The following ALG10B variants were observed in gnomAD, a reference collection of about 807,000 sequenced individuals.
The protein encoded by ALG10B is ALG10 alpha-1,2-glucosyltransferase B.
ALG10B carries 27 observed loss-of-function variants against 38.7 expected under a neutral mutation model. The observed-to-expected ratio is 0.70, with a 90% CI of 0.51 to 0.96. The LOEUF is 0.96. Ranked by LOEUF, ALG10B falls within the 40% of genes least tolerant of loss-of-function variation. The probability of loss-of-function intolerance (pLI) is 0.00; values close to 1 mark genes in which losing one functional copy is unlikely to be tolerated. For missense variants in ALG10B, 522 were observed against 542.7 expected (o/e 0.96, Z 0.38); for synonymous variants, 177 against 193.3 (o/e 0.92, Z 0.70).
At position 38,316,844 on chromosome 12, in the gene ALG10B, C is replaced by G. The variant is rs1471307679; in HGVS notation, c.-50C>G. 1 of 1,613,730 alleles carries G rather than the reference C, an allele frequency of 6.2e-7. No individual in the cohort carries two copies. Among genetic ancestry groups the G allele is most frequent in the South Asian group, 1.1e-5 (1 of 91,058 alleles). On this transcript the variant is annotated 5_prime_UTR_variant, in exon 1 of 3. Coordinates refer to ENST00000308742, the MANE Select transcript of ALG10B (RefSeq NM_001013620.4). ...CAAGTTTCCAGCTCGGGTTTCCGGGCTCAGAATTTTCCAGGAGTGGGTTCT... is the reference window on the plus strand; with the variant it reads ...CAAGTTTCCAGCTCGGGTTTCCGGGGTCAGAATTTTCCAGGAGTGGGTTCT...
rs1375408459 is a variant in ALG10B, at chr12:38,325,264, A to T, written c.*4051A>T. The T allele has an allele frequency of 1.3e-5, 2 of 152,208 alleles. No individual in the cohort carries two copies. The highest frequency in any genetic ancestry group is 2.9e-5 in the Non-Finnish European group (2 of 68,010). The allele number at this position is 152,208 out of a possible 1,614,324, so 9.4% of individuals were successfully genotyped here. ...GCCTTTTCTTTGTCTTCTTAGAGTTATTTCTGAAATGTGCATAGCCAGTCA... is the reference window on the plus strand; with the variant it reads ...GCCTTTTCTTTGTCTTCTTAGAGTTTTTTCTGAAATGTGCATAGCCAGTCA... On this transcript the variant is annotated 3_prime_UTR_variant, in exon 3 of 3. Transcript: ENST00000308742.
chr12:38,318,489 A>G (rs1945676063), intron 2 of ALG10B, 31 bp downstream of exon 2: 1 of 1,587,034 alleles, frequency 6.3e-7, no homozygotes. Context: ...TTACAAGTTT[A>G]TGTGTAGTCA....
chr12:38,325,760 T>TAC lies in ALG10B; in HGVS notation c.*4547_*4548insAC, dbSNP rs1945738792. On this transcript the variant is annotated 3_prime_UTR_variant, in exon 3 of 3. Coordinates refer to ENST00000308742, the MANE Select transcript of ALG10B (RefSeq NM_001013620.4). ...CAAGTGGTTTAGTCTTTAGTCCTCATTTCAAATGAGAATAGTATTTGTCCT... is the reference window on the plus strand; with the variant it reads ...CAAGTGGTTTAGTCTTTAGTCCTCATACTTCAAATGAGAATAGTATTTGTCCT... 3.9e-5 allele frequency: 6 copies of TAC among 152,232 alleles called. No homozygotes were observed. Among genetic ancestry groups the TAC allele is most frequent in the Non-Finnish European group, 8.8e-5 (6 of 68,026 alleles). 9.4% of individuals were successfully genotyped at this position (152,232 alleles called of 1,614,324 possible).
Position 38,316,910 on chromosome 12 carries a change from G to A in ALG10B, c.17G>A (p.Gly6Asp), listed in dbSNP as rs1207964518. Residue 6 changes from glycine (G) to aspartate (D), a missense_variant, in exon 1 of 3, where the codon GGT (glycine) becomes GAT (aspartate). Gly to Asp is a moderately conservative substitution (Grantham distance 94). Coordinates refer to ENST00000308742, the MANE Select transcript of ALG10B (RefSeq NM_001013620.4). Reference protein sequence around the residue: MAQLEGYCFSAALSCT... With the variant: MAQLEDYCFSAALSCT... Reference sequence around the variant, plus strand: ...GGAGCAGGAATGGCGCAGCTAGAGGGTTACTGTTTCTCGGCCGCCTTGAGC... The same window carrying A: ...GGAGCAGGAATGGCGCAGCTAGAGGATTACTGTTTCTCGGCCGCCTTGAGC... The A allele has an allele frequency of 6.2e-7, 1 of 1,614,170 alleles. No homozygotes were observed. The highest frequency in any genetic ancestry group is 8.5e-7 in the Non-Finnish European group (1 of 1,180,050).
Position 38,325,026 on chromosome 12 carries a change from A to G in ALG10B, c.*3813A>G, listed in dbSNP as rs1304427468. On this transcript the variant is annotated 3_prime_UTR_variant, in exon 3 of 3. Transcript: ENST00000308742. ...TAATACATCATTTTGAACTGATTCTATCTTCTGTGAAATTCTAGAGATATG... is the reference window on the plus strand; with the variant it reads ...TAATACATCATTTTGAACTGATTCTGTCTTCTGTGAAATTCTAGAGATATG... 6.6e-6 allele frequency: 1 copy of G among 152,174 alleles called. No individual in the cohort carries two copies. The highest frequency in any genetic ancestry group is 1.5e-5 in the Non-Finnish European group (1 of 68,004). The allele number at this position is 152,174 out of a possible 1,614,324, so 9.4% of individuals were successfully genotyped here.
Position 38,325,084 on chromosome 12 carries a change from A to G in ALG10B, c.*3871A>G, listed in dbSNP as rs1945732865. The G allele has an allele frequency of 6.6e-6, 1 of 152,188 alleles. No individual in the cohort carries two copies. The highest frequency in any genetic ancestry group is 2.4e-5 in the African/African-American group (1 of 41,462). 9.4% of individuals were successfully genotyped at this position (152,188 alleles called of 1,614,324 possible). A position where few individuals can be genotyped will look rare whatever the true frequency, so the allele number is the denominator to read the frequency against. ...TAGGTAGCATGAGTAAGATTCAGGT[A>G]TGCTGTGAATTTTGTTAACGTTTAT... On this transcript the variant is annotated 3_prime_UTR_variant, in exon 3 of 3. Transcript: ENST00000308742.
chr12:38,317,276 G>A (rs753849421), intron 1 of ALG10B: 2 of 737,294 alleles, frequency 2.7e-6, no homozygotes, highest in Non-Finnish European at 4.3e-6. Context: ...TGATCCCCAG[G>A]GAGGAGTGAT....
In ALG10B at chr12:38,327,699, C is replaced by G; in HGVS notation, c.*6486C>G. ...AGTATATGGAGAGAGAGGTGAAAAT[C>G]CATGTTTGCTCTCTGCAGTTTCCAA... On this transcript the variant is annotated 3_prime_UTR_variant, in exon 3 of 3. Coordinates refer to ENST00000308742, the MANE Select transcript of ALG10B (RefSeq NM_001013620.4). 6.6e-6 allele frequency: 1 copy of G among 151,990 alleles called. No individual in the cohort carries two copies. Among genetic ancestry groups the G allele is most frequent in the Non-Finnish European group, 1.5e-5 (1 of 68,012 alleles). 9.4% of individuals were successfully genotyped at this position (151,990 alleles called of 1,614,324 possible). A position where few individuals can be genotyped will look rare whatever the true frequency, so the allele number is the denominator to read the frequency against.
Position 38,317,038 on chromosome 12 carries a change from T to C in ALG10B, c.145T>C (p.Cys49Arg). ...IFHLPQAQRY[C>R]EGHFSLSQWD... Reference sequence around the variant, plus strand: ...CCACCTGCCTCAGGCGCAGCGCTACTGTGAGGGCCATTTCTCCCTTTCCCA... The same window carrying C: ...CCACCTGCCTCAGGCGCAGCGCTACCGTGAGGGCCATTTCTCCCTTTCCCA... Residue 49 changes from cysteine (C) to arginine (R), a missense_variant, in exon 1 of 3, where the codon TGT becomes CGT. Transcript: ENST00000308742. 2 of 1,614,198 alleles carry C rather than the reference T, an allele frequency of 1.2e-6. No individual in the cohort carries two copies. Among genetic ancestry groups the C allele is most frequent in the Non-Finnish European group, 1.7e-6 (2 of 1,180,030 alleles).
At chr12:38,316,710 C>T, upstream of ALG10B, 2 of 963,168 alleles carry the variant, frequency 2.1e-6, no homozygotes, top group South Asian at 2.8e-5. Flanking sequence ...CCCGTCACTC[C>T]AGGAAACAGC....
At position 38,317,295 on chromosome 12, in the gene ALG10B, A is replaced by C. The variant is rs536820333; in HGVS notation, c.171+231A>C. 4 of 676,786 alleles carry C rather than the reference A, an allele frequency of 5.9e-6. No individual in the cohort carries two copies. The Admixed American group carries it at 9.0e-5, about 15-fold the overall frequency. The allele number at this position is 676,786 out of a possible 1,614,324, so 41.9% of individuals were successfully genotyped here. Reference sequence around the variant, plus strand: ...CCCCAGGGAGGAGTGATCTGGGAGAATACTTAGTGGGGAACTGAGCGCTCC... The same window carrying C: ...CCCCAGGGAGGAGTGATCTGGGAGACTACTTAGTGGGGAACTGAGCGCTCC... On this transcript the variant is annotated intron_variant, in intron 1 of 2. Transcript: ENST00000308742.
At chr12:38,317,242 A>G (rs1366474942) in intron 1 of ALG10B, 178 bp downstream of exon 1, 1 of 859,692 alleles carries the variant, frequency 1.2e-6, no homozygotes, top group Admixed American at 2.9e-5. Context: ...AATATTTATT[A>G]AATGAATGAA....
chr12:38,318,511 A>G (rs1945676302), intron 2 of ALG10B, 53 bp downstream of exon 2: 3 of 1,495,296 alleles, frequency 2.0e-6, no homozygotes, highest in East Asian at 4.5e-5. Flanking sequence ...GTCCACAATT[A>G]CAATGAATTA....
In ALG10B at chr12:38,322,846, G is replaced by C. The variant is rs1945714592; in HGVS notation, c.*1633G>C. On this transcript the variant is annotated 3_prime_UTR_variant, in exon 3 of 3. Transcript: ENST00000308742. ...TAATTGTTTTAGATTACACAAATAA[G>C]TGAGATCATGTGGTATTTGTCTTTC... The C allele has an allele frequency of 6.6e-6, 1 of 152,144 alleles. No individual in the cohort carries two copies. Among genetic ancestry groups the C allele is most frequent in the African/African-American group, 2.4e-5 (1 of 41,424 alleles). The allele number at this position is 152,144 out of a possible 1,614,324, so 9.4% of individuals were successfully genotyped here.
Position 38,322,740 on chromosome 12 carries a change from T to C in ALG10B, c.*1527T>C, listed in dbSNP as rs1945713921. 2 of 152,308 alleles carry C rather than the reference T, an allele frequency of 1.3e-5. No individual in the cohort carries two copies. Among genetic ancestry groups the C allele is most frequent in the Non-Finnish European group, 2.9e-5 (2 of 68,020 alleles). 9.4% of individuals were successfully genotyped at this position (152,308 alleles called of 1,614,324 possible). Reference sequence around the variant, plus strand: ...TATTCCTTCTATCTAATTGAGGCTTTGTATCTTTTGATTGTCATCTCCCTA... The same window carrying C: ...TATTCCTTCTATCTAATTGAGGCTTCGTATCTTTTGATTGTCATCTCCCTA... On this transcript the variant is annotated 3_prime_UTR_variant, in exon 3 of 3. Coordinates refer to ENST00000308742, the MANE Select transcript of ALG10B (RefSeq NM_001013620.4).
rs1945759885 is a variant in ALG10B at position 38,327,867 on chromosome 12, TTGGATAAG to T, written c.*6659_*6666del. On this transcript the variant is annotated 3_prime_UTR_variant, in exon 3 of 3. Coordinates refer to ENST00000308742, the MANE Select transcript of ALG10B (RefSeq NM_001013620.4). ...ACTAAAATTATGTGGGATATTTAATTTGGATAAGTGGAAATTCTATCACTTGATAAGCT... is the reference window on the plus strand; with the variant it reads ...ACTAAAATTATGTGGGATATTTAATTTGGAAATTCTATCACTTGATAAGCT... The T allele has an allele frequency of 6.6e-6, 1 of 152,204 alleles. No homozygotes were observed. Among genetic ancestry groups the T allele is most frequent in the Non-Finnish European group, 1.5e-5 (1 of 68,032 alleles). 9.4% of individuals were successfully genotyped at this position (152,204 alleles called of 1,614,324 possible).
In ALG10B at chr12:38,320,708, T is replaced by A; in HGVS notation, c.917T>A (p.Leu306His). 2 of 1,614,036 alleles carry A rather than the reference T, an allele frequency of 1.2e-6. No individual in the cohort carries two copies. Among genetic ancestry groups the A allele is most frequent in the Non-Finnish European group, 1.7e-6 (2 of 1,179,948 alleles). ...SFTLFFSFPH[L>H]LSPSKIKTFL... Reference sequence around the variant, plus strand: ...ACTCTCTTTTTTTCTTTTCCTCATCTCCTGTCTCCTAGCAAAATTAAGACT... The same window carrying A: ...ACTCTCTTTTTTTCTTTTCCTCATCACCTGTCTCCTAGCAAAATTAAGACT... The change falls in exon 3 of 3, where the codon CTC becomes CAC. Residue 306 changes from leucine (L) to histidine (H), a missense_variant. Leu to His is a moderately conservative substitution (Grantham distance 99, BLOSUM62 -3). Transcript: ENST00000308742.
At position 38,324,036 on chromosome 12, in the gene ALG10B, T is replaced by G. The variant is rs1945723124; in HGVS notation, c.*2823T>G. ...ATCACTGTTCTATATCTTTTTTTGT[T>G]TGTTTTTGTCTTTGAGGAGAAGTCT... is the stretch of plus-strand genomic sequence containing the variant. On this transcript the variant is annotated 3_prime_UTR_variant, in exon 3 of 3. Coordinates refer to ENST00000308742, the MANE Select transcript of ALG10B (RefSeq NM_001013620.4). 1 of 678,988 alleles carries G rather than the reference T, an allele frequency of 1.5e-6. No individual in the cohort carries two copies. The highest frequency in any genetic ancestry group is 2.7e-6 in the Non-Finnish European group (1 of 376,320). The allele number at this position is 678,988 out of a possible 1,614,324, so 42.1% of individuals were successfully genotyped here. A position where few individuals can be genotyped will look rare whatever the true frequency, so the allele number is the denominator to read the frequency against.
At position 38,326,780 on chromosome 12, in the gene ALG10B, A is replaced by T. The variant is rs557430911; in HGVS notation, c.*5567A>T. 3.8e-4 allele frequency: 58 copies of T among 151,894 alleles called. No homozygotes were observed. The highest frequency in any genetic ancestry group is 1.3e-3 in the African/African-American group (56 of 41,532). The allele number at this position is 151,894 out of a possible 1,614,324, so 9.4% of individuals were successfully genotyped here. A position where few individuals can be genotyped will look rare whatever the true frequency, so the allele number is the denominator to read the frequency against. On this transcript the variant is annotated 3_prime_UTR_variant, in exon 3 of 3. Transcript: ENST00000308742. ...AAAAACTTGTGTAACTGAGAAAATT[A>T]TAATAAAAATAGAGATTGAGGACAT...
Sources: allele counts gnomAD v4.1 joint callset, GRCh38; gene constraint gnomAD v4.1.1; transcripts MANE v1.5; gene names NCBI Gene and HGNC (gene_info 2026-07-23, HGNC 2026-07-21).